MRE11: variants seen among roughly 807,000 people sequenced by gnomAD.
The protein encoded by MRE11 is double-strand break repair protein MRE11.
MRE11 carries 62 observed loss-of-function variants against 91.7 expected under a neutral mutation model. The observed-to-expected ratio is 0.68, with a 90% CI of 0.55 to 0.84. MRE11 has a LOEUF of 0.84. Among genes scored for constraint, MRE11 ranks in the 40% least tolerant of loss-of-function variants. The pLI is 0.00. For synonymous variants in MRE11, 273 were observed against 271.4 expected (o/e 1.01, Z -0.06); for missense variants, 796 against 852.9 (o/e 0.93, Z 0.83).
intron 16 of MRE11, among the ~76,000 whole-genome samples, chr11:94,440,511 T>C (rs1219829660): frequency 6.6e-6 from 1 of 152,154 alleles, no homozygotes; most frequent in African/African-American, 2.4e-5. Flanking sequence ...GAAGAAAAGC[T>C]AGAACTCAGA....
In MRE11 at chr11:94,463,508, A is replaced by G. The variant is rs397509355; in HGVS notation, c.1225+605T>C. On this transcript the variant is annotated intron_variant, in intron 11 of 19. Transcript: ENST00000323929. ...TGTGTTTATTGTGGCACTATTCACA[A>G]TAGCAAAGACTTGGAACCAACCCAA... Among the ~76,000 whole-genome samples the G allele has an allele frequency of 3.7e-4, 56 of 152,328 alleles. No individual in the cohort carries two copies. The highest frequency in any genetic ancestry group is 6.9e-4 in the Non-Finnish European group (47 of 68,028).
chr11:94,434,937 G>C (rs545572610), intron 18 of MRE11, among the ~76,000 whole-genome samples: 3 of 152,270 alleles, frequency 2.0e-5, no homozygotes, highest in East Asian at 3.9e-4. Context: ...TAAGGCAGTT[G>C]ATTACTTTAT....
chr11:94,437,306 T>G, intron 16 of MRE11, 71 bp from the exon 17 acceptor site: 1 of 1,448,046 alleles, frequency 6.9e-7, no homozygotes, highest in Non-Finnish European at 9.6e-7. Flanking sequence ...CATACTTCTT[T>G]AGCTAAAGAT....
the MRE11 span, among the ~76,000 whole-genome samples, chr11:94,505,141 A>G: frequency 5.3e-5 from 8 of 152,324 alleles, no homozygotes; most frequent in African/African-American, 1.9e-4. Flanking sequence ...ATGATAATAA[A>G]CAACTATGTT....
intron 16 of MRE11, among the ~76,000 whole-genome samples, chr11:94,437,850 C>T (rs1298854224): frequency 1.3e-5 from 2 of 152,130 alleles, no homozygotes; most frequent in African/African-American, 4.8e-5. Flanking sequence ...TAAGGCCAGG[C>T]GCAGTGGCTC....
At chr11:94,493,076 AAAT>A (rs1947334004) in intron 1 of MRE11, among the ~76,000 whole-genome samples, 170 bp from the exon 2 acceptor site, 2 of 152,166 alleles carry the variant, frequency 1.3e-5, no homozygotes, top group African/African-American at 4.8e-5. Context: ...TGAGCATAGA[AAAT>A]AATATATCTC....
chr11:94,454,126 T>G (rs1361082239), intron 14 of MRE11, among the ~76,000 whole-genome samples: 2 of 150,522 alleles, frequency 1.3e-5, no homozygotes, highest in Admixed American at 6.7e-5. Flanking sequence ...CAGGTTGGAG[T>G]GCAGTGGCGT....
In MRE11 at chr11:94,441,957, G is replaced by A. The variant is rs528578123; in HGVS notation, c.1867+3853C>T. Among the ~76,000 whole-genome samples the A allele has an allele frequency of 2.0e-3, 244 of 123,168 alleles. No individual in the cohort carries two copies. In the Middle Eastern group the frequency reaches 0.029, roughly 15 times the overall value. 80.8% of individuals were successfully genotyped at this position (123,168 alleles called of 152,430 possible). On this transcript the variant is annotated intron_variant, in intron 16 of 19. Coordinates refer to ENST00000323929, the MANE Select transcript of MRE11 (RefSeq NM_005591.4). The stretch of plus-strand genomic sequence containing the variant: ...GATGCCACTGCATTCCAGCCTAGGC[G>A]ACAGAGAGAGACTCTGTCTCAAAAA...
At chr11:94,489,247 C>A (rs1947223471) in intron 3 of MRE11, among the ~76,000 whole-genome samples, 1 of 151,610 alleles carries the variant, frequency 6.6e-6, no homozygotes, top group South Asian at 2.1e-4. Context: ...CAGAAGTCGG[C>A]CCCACCAAGA....
intron 4 of MRE11, chr11:94,483,817 T>G (rs1448279761): frequency 1.3e-5 from 2 of 151,942 alleles, no homozygotes; most frequent in African/African-American, 4.8e-5. Flanking sequence ...CACTACAGCA[T>G]AGGAAAGAGA....
intron 14 of MRE11, among the ~76,000 whole-genome samples, chr11:94,455,870 A>T (rs1329568988): frequency 6.6e-6 from 1 of 152,138 alleles, no homozygotes; most frequent in Non-Finnish European, 1.5e-5. Flanking sequence ...CCCCACACAC[A>T]TACAATTAAA....
intron 19 of MRE11, among the ~76,000 whole-genome samples, chr11:94,428,452 AAATACCCTT>A (rs1386463936): frequency 2.6e-5 from 4 of 152,200 alleles, no homozygotes; most frequent in Admixed American, 2.6e-4. Context: ...AAAACCAAGA[AAATACCCTT>A]CTCAACACTG....
chr11:94,421,210 T>C (rs1434595922), intron 19 of MRE11, among the ~76,000 whole-genome samples: 2 of 152,204 alleles, frequency 1.3e-5, no homozygotes, highest in Non-Finnish European at 2.9e-5. Context: ...TCTATAAATA[T>C]TCAGAAAATA....
chr11:94,461,549 G>A (rs1267771212), intron 11 of MRE11, among the ~76,000 whole-genome samples: 1 of 152,118 alleles, frequency 6.6e-6, no homozygotes, highest in Admixed American at 6.5e-5. Context: ...CATTCCCTTT[G>A]AAAACTGGCA....
chr11:94,479,616 G>A, intron 5 of MRE11, 58 bp downstream of exon 5: 1 of 1,472,710 alleles, frequency 6.8e-7, no homozygotes. Context: ...GCTTTCCACA[G>A]ACAAACTAAA....
chr11:94,466,636 C>T lies in MRE11; in HGVS notation c.1098+1177G>A, dbSNP rs369782842. ...AAGGTCATACAACTAGTGGTTGGGC[C>T]AGAATGAAGCTCAGGAAGTCTGGCT... is the stretch of plus-strand genomic sequence containing the variant. On this transcript the variant is annotated intron_variant, in intron 10 of 19. Transcript: ENST00000323929. The T allele has an allele frequency of 2.2e-3, 807 of 362,124 alleles. 4 individuals carry two copies. Among genetic ancestry groups the T allele is most frequent in the Admixed American group, 3.2e-3 (115 of 36,230 alleles). The allele number at this position is 362,124 out of a possible 1,614,324, so 22.4% of individuals were successfully genotyped here.
In MRE11 at chr11:94,492,860, T is replaced by C. The variant is rs1947325821; in HGVS notation, c.-59A>G. 2.0e-6 allele frequency: 3 copies of C among 1,485,098 alleles called. No individual in the cohort carries two copies. Among genetic ancestry groups the C allele is most frequent in the African/African-American group, 2.8e-5 (2 of 71,560 alleles). 92.0% of individuals were successfully genotyped at this position (1,485,098 alleles called of 1,614,324 possible). A position where few individuals can be genotyped will look rare whatever the true frequency, so the allele number is the denominator to read the frequency against. ...TTCTTCTCCAAGAACCCCTGGGTAC[T>C]GTACTCAAATGTCAGAAAATGCACT... On this transcript the variant is annotated 5_prime_UTR_variant, in exon 2 of 20. Coordinates refer to ENST00000323929, the MANE Select transcript of MRE11 (RefSeq NM_005591.4).
chr11:94,428,632 G>A (rs12289705), intron 19 of MRE11, among the ~76,000 whole-genome samples: 382 of 152,206 alleles, frequency 2.5e-3, no homozygotes, highest in African/African-American at 8.0e-3. Context: ...GGGAGGCCGA[G>A]GCAGGTGGAT....
Position 94,430,848 on chromosome 11 carries a change from G to A in MRE11, c.1995-862C>T, listed in dbSNP as rs13447723. 4.6e-3 allele frequency among the ~76,000 whole-genome samples: 703 copies of A among 152,180 alleles called. 9 individuals are homozygous for A. The highest frequency in any genetic ancestry group is 0.016 in the African/African-American group (676 of 41,514). ...TAAGAAATTTAAGTCACTTTAGATC[G>A]GGGCCAGTAAGCAAATCTAGCCCAC... On this transcript the variant is annotated intron_variant, in intron 18 of 19. Transcript: ENST00000323929.
Sources: allele counts gnomAD v4.1 joint callset (sites outside exome capture counted in the v4.1 genomes callset), GRCh38; gene constraint gnomAD v4.1.1; transcripts MANE v1.5; gene names NCBI Gene and HGNC (gene_info 2026-07-23, HGNC 2026-07-21).